PLEK: variants seen among roughly 807,000 people sequenced by gnomAD.
PLEK encodes pleckstrin, also known as platelet 47 kDa protein.
In PLEK, 25 loss-of-function variants were observed where a neutral mutation model predicts 43.9. That is an observed-to-expected ratio of 0.57 (90% CI 0.41 to 0.79). The LOEUF (loss-of-function observed/expected upper bound fraction) is 0.79, where lower values mean the gene tolerates loss of function less well. Among genes scored for constraint, PLEK ranks in the 30% least tolerant of loss-of-function variants. PLEK has a pLI of 0.00. For synonymous variants in PLEK, 152 were observed against 144.4 expected (o/e 1.05, Z -0.38); for missense variants, 396 against 413.3 (o/e 0.96, Z 0.36).
intron 6 of PLEK, among the ~76,000 whole-genome samples, chr2:68,389,069 G>A (rs1673809006): frequency 1.3e-5 from 2 of 152,226 alleles, no homozygotes; most frequent in South Asian, 4.1e-4. Flanking sequence ...GTGTCCACAG[G>A]TACAGGCCAC....
intron 8 of PLEK, 120 bp downstream of exon 8, chr2:68,394,296 G>A: frequency 1.4e-6 from 1 of 714,900 alleles, no homozygotes; most frequent in Non-Finnish European, 2.6e-6. Context: ...AATGGGGCAG[G>A]CATGGTGGCT....
intron 1 of PLEK, among the ~76,000 whole-genome samples, chr2:68,379,799 T>C (rs1319107467): frequency 6.6e-6 from 1 of 152,236 alleles, no homozygotes; most frequent in Non-Finnish European, 1.5e-5. Context: ...TCTTTTGTAT[T>C]ATTTTAATGA....
At position 68,365,407 on chromosome 2, in the gene PLEK, C is replaced by T. The variant is rs1673245739; in HGVS notation, c.42+14C>T. The T allele has an allele frequency of 6.2e-7, 1 of 1,609,690 alleles. No individual in the cohort carries two copies. The highest frequency in any genetic ancestry group is 8.5e-7 in the Non-Finnish European group (1 of 1,176,092). On this transcript the variant is annotated intron_variant, in intron 1 of 8. Transcript: ENST00000234313. ...CTTGTGAAGAAGGTGAGCGAAGGTG[C>T]CACTTACCAGGGTGTCAGTGGACAT... is the stretch of plus-strand genomic sequence containing the variant.
At chr2:68,391,899 A>G (rs1673866252) in intron 6 of PLEK, among the ~76,000 whole-genome samples, 1 of 152,194 alleles carries the variant, frequency 6.6e-6, no homozygotes. Context: ...CAGGTTTACC[A>G]TGACAGTTTA....
intron 7 of PLEK, among the ~76,000 whole-genome samples, chr2:68,393,895 C>T (rs1212396828): frequency 6.6e-6 from 1 of 152,152 alleles, no homozygotes; most frequent in African/African-American, 2.4e-5. Context: ...TGCATTTTCT[C>T]ATTGAGCCTC....
intron 1 of PLEK, 150 bp from the exon 2 acceptor site, chr2:68,380,178 T>C (rs998970164): frequency 1.6e-6 from 1 of 613,266 alleles, no homozygotes; most frequent in African/African-American, 1.9e-5. Context: ...TAGCCACTGA[T>C]TTGAGAGGAT....
At position 68,395,938 on chromosome 2, in the gene PLEK, C is replaced by A. The variant is rs1437333004; in HGVS notation, c.*122C>A. On this transcript the variant is annotated 3_prime_UTR_variant, in exon 9 of 9. Transcript: ENST00000234313. Reference sequence around the variant, plus strand: ...CCCAGGGGTGGGAAGTTTTCATTTGCAGGGGGGTCTGAATGTAACTCACCA... The same window carrying A: ...CCCAGGGGTGGGAAGTTTTCATTTGAAGGGGGGTCTGAATGTAACTCACCA... 4 of 827,646 alleles carry A rather than the reference C, an allele frequency of 4.8e-6. No homozygotes were observed. The highest frequency in any genetic ancestry group is 7.9e-6 in the Non-Finnish European group (4 of 507,084). 51.3% of individuals were successfully genotyped at this position (827,646 alleles called of 1,614,324 possible). A position where few individuals can be genotyped will look rare whatever the true frequency, so the allele number is the denominator to read the frequency against.
At chr2:68,366,396 A>G (rs968514985) in intron 1 of PLEK, among the ~76,000 whole-genome samples, 1 of 152,232 alleles carries the variant, frequency 6.6e-6, no homozygotes, top group Non-Finnish European at 1.5e-5. Context: ...GAGGGACCCT[A>G]GGTCATCTGG....
chr2:68,389,778 G>A (rs914014356), intron 6 of PLEK, among the ~76,000 whole-genome samples: 3 of 152,046 alleles, frequency 2.0e-5, no homozygotes, highest in African/African-American at 4.8e-5. Flanking sequence ...GCCTTATGCC[G>A]GGAAGGCTCG....
intron 1 of PLEK, among the ~76,000 whole-genome samples, chr2:68,371,146 T>G (rs1673392556): frequency 6.6e-6 from 1 of 152,210 alleles, no homozygotes; most frequent in Non-Finnish European, 1.5e-5. Context: ...TTAATACAGC[T>G]TCTCATCTGC....
chr2:68,394,534 C>CAA lies in PLEK; in HGVS notation c.916+367_916+368dup, dbSNP rs35287888. 8.9e-3 allele frequency among the ~76,000 whole-genome samples: 1,310 copies of CAA among 147,682 alleles called. 13 individuals carry two copies. Among genetic ancestry groups the CAA allele is most frequent in the African/African-American group, 0.03 (1,185 of 40,126 alleles). ...TGGGTGACAGAGCAATACTCTGTCT[C>CAA]AAAAAAAAAAGCAGGAATGAATTTA... On this transcript the variant is annotated intron_variant, in intron 8 of 8. Coordinates refer to ENST00000234313, the MANE Select transcript of PLEK (RefSeq NM_002664.3).
At position 68,388,472 on chromosome 2, in the gene PLEK, A is replaced by T. The variant is rs1673791917; in HGVS notation, c.743A>T (p.Gln248Leu). Residue 248 changes from glutamine (Q) to leucine (L), a missense_variant, in exon 6 of 9, where the codon CAG (glutamine) becomes CTG (leucine). Transcript: ENST00000234313. Reference protein sequence around the residue: ...KEEFRGVIIKQGCLLKQGHRR... With the variant: ...KEEFRGVIIKLGCLLKQGHRR... ...GAATTCAGAGGGGTCATTATCAAGCAGGGATGTTTACTGAAGCAGGTGAGT... is the reference window on the plus strand; with the variant it reads ...GAATTCAGAGGGGTCATTATCAAGCTGGGATGTTTACTGAAGCAGGTGAGT... The T allele has an allele frequency of 1.3e-6, 2 of 1,594,618 alleles. No homozygotes were observed. The highest frequency in any genetic ancestry group is 1.7e-6 in the Non-Finnish European group (2 of 1,162,148).
intron 3 of PLEK, among the ~76,000 whole-genome samples, 188 bp from the exon 4 acceptor site, chr2:68,382,354 T>C (rs1384915383): frequency 2.0e-5 from 3 of 152,232 alleles, no homozygotes; most frequent in Admixed American, 6.5e-5. Flanking sequence ...TACAGAGTTA[T>C]GCAGATATGA....
chr2:68,376,848 A>G (rs10174579), intron 1 of PLEK, among the ~76,000 whole-genome samples: 80,134 of 151,988 alleles, frequency 0.53, 22,671 homozygotes, highest in East Asian at 0.76. Context: ...CTATGAAATC[A>G]TAGGTCTCAT....
intron 1 of PLEK, among the ~76,000 whole-genome samples, chr2:68,375,293 T>C (rs1249552492): frequency 2.0e-5 from 3 of 152,242 alleles, no homozygotes; most frequent in African/African-American, 7.2e-5. Flanking sequence ...TAAATAATGA[T>C]GTTGAACACT....
chr2:68,378,671 T>G (rs1036928995), intron 1 of PLEK, among the ~76,000 whole-genome samples: 1 of 152,244 alleles, frequency 6.6e-6, no homozygotes, highest in Non-Finnish European at 1.5e-5. Flanking sequence ...TACTTAATAA[T>G]ACAACCTCTC....
chr2:68,381,516 G>A (rs1673616313), intron 3 of PLEK, among the ~76,000 whole-genome samples: 1 of 152,208 alleles, frequency 6.6e-6, no homozygotes, highest in Non-Finnish European at 1.5e-5. Flanking sequence ...TTGGTCACAT[G>A]AGCCCCTTTC....
intron 4 of PLEK, among the ~76,000 whole-genome samples, chr2:68,383,990 G>A (rs17035395): frequency 0.04 from 6,090 of 152,192 alleles, 252 homozygotes; most frequent in African/African-American, 0.1. Context: ...ACAAGAACAA[G>A]GGAAGTTCCC....
At chr2:68,379,989 G>A (rs1021102452) in intron 1 of PLEK, among the ~76,000 whole-genome samples, 3 of 152,192 alleles carry the variant, frequency 2.0e-5, no homozygotes, top group Non-Finnish European at 4.4e-5. Flanking sequence ...CTGAGATCAC[G>A]GTGGGTCTGT....
Sources: gnomAD v4.1 joint callset for allele counts (sites outside exome capture counted in the v4.1 genomes callset) on GRCh38, gnomAD v4.1.1 for gene constraint, MANE v1.5 for transcripts, NCBI Gene and HGNC (gene_info 2026-07-23, HGNC 2026-07-21) for gene names.